NFKBIZ: variants seen among roughly 807,000 people sequenced by gnomAD.
NFKBIZ encodes NFKB inhibitor zeta, also known as NF-kappa-B inhibitor zeta.
A neutral mutation model predicts 76.8 loss-of-function variants in NFKBIZ; 19 were observed. The ratio of observed to expected loss-of-function variants is 0.25; its 90% confidence interval spans 0.17 to 0.36. The LOEUF (loss-of-function observed/expected upper bound fraction) is 0.36. Among genes scored for constraint, NFKBIZ ranks in the 10% least tolerant of loss-of-function variants. The probability of loss-of-function intolerance (pLI) is 1.00; values close to 1 mark genes in which losing one functional copy is unlikely to be tolerated. For missense variants in NFKBIZ, 829 were observed against 910.9 expected (o/e 0.91, Z 1.16); for synonymous variants, 368 against 354.8 (o/e 1.04, Z -0.42).
intron 1 of NFKBIZ, among the ~76,000 whole-genome samples, chr3:101,828,845 C>T (rs1576802563): frequency 6.6e-6 from 1 of 152,130 alleles, no homozygotes; most frequent in East Asian, 1.9e-4. Context: ...TTAGTGAATT[C>T]GCTGCAGTGG....
chr3:101,848,459 T>C (rs981353548), upstream of NFKBIZ, among the ~76,000 whole-genome samples: 2 of 152,220 alleles, frequency 1.3e-5, no homozygotes, highest in Non-Finnish European at 2.9e-5. Context: ...ACCTCCTTTT[T>C]CCTCTACCAG....
rs1942924976 is a variant in NFKBIZ, at chr3:101,849,982, C to G, written c.289+65C>G. 1.4e-5 allele frequency: 19 copies of G among 1,310,956 alleles called. No individual in the cohort carries two copies. In the South Asian group the frequency reaches 3.8e-4, roughly 26 times the overall value. The allele number at this position is 1,310,956 out of a possible 1,614,324, so 81.2% of individuals were successfully genotyped here. A position where few individuals can be genotyped will look rare whatever the true frequency, so the allele number is the denominator to read the frequency against. ...CACGCCTAGGAGGTTGGGAGCGGGA[C>G]TCCCCAGATGGAGGGTGGCCCCTGC... is the stretch of plus-strand genomic sequence containing the variant. On this transcript the variant is annotated intron_variant, in intron 1 of 11. Coordinates refer to ENST00000326172, the MANE Select transcript of NFKBIZ (RefSeq NM_031419.4).
At chr3:101,845,771 T>C (rs529200103), upstream of NFKBIZ, among the ~76,000 whole-genome samples, 26 of 152,266 alleles carry the variant, frequency 1.7e-4, no homozygotes, top group Admixed American at 1.2e-3. Flanking sequence ...TTTTTATTTC[T>C]TCTTTACAGT....
Position 101,852,771 on chromosome 3 carries a change from AAG to A in NFKBIZ, c.460+6_460+7del, listed in dbSNP as rs774881597. 6.2e-7 allele frequency: 1 copy of A among 1,611,340 alleles called. No homozygotes were observed. The highest frequency in any genetic ancestry group is 8.5e-7 in the Non-Finnish European group (1 of 1,178,970). On this transcript the variant is annotated splice_donor_5th_base_variant and intron_variant, in intron 3 of 11. Transcript: ENST00000326172. Reference sequence around the variant, plus strand: ...TGTGAACATAGAACAGTTCAGAGGTAAGAGTTACTTGTATTTGTAATTTTTTC... The same window carrying A: ...TGTGAACATAGAACAGTTCAGAGGTAAGTTACTTGTATTTGTAATTTTTTC...
chr3:101,834,649 C>A (rs1352180293), intron 2 of NFKBIZ, among the ~76,000 whole-genome samples: 1 of 152,250 alleles, frequency 6.6e-6, no homozygotes, highest in Non-Finnish European at 1.5e-5. Flanking sequence ...GCGTGAGCCA[C>A]CACACCCGGC....
upstream of NFKBIZ, among the ~76,000 whole-genome samples, chr3:101,847,680 CAT>C (rs1052988132): frequency 5.9e-5 from 9 of 152,230 alleles, no homozygotes; most frequent in African/African-American, 1.9e-4. Flanking sequence ...CATATGGAAA[CAT>C]AGAAAAGAAA....
intron 11 of NFKBIZ, chr3:101,858,372 T>C (rs1943082742): frequency 1.0e-6 from 1 of 982,914 alleles, no homozygotes; most frequent in Admixed American, 6.2e-5. Context: ...AAGTTTCAAG[T>C]TTCAACTGAG....
In NFKBIZ at chr3:101,855,415, G is replaced by T. The variant is rs184156446; in HGVS notation, c.1611G>T (p.Val537=). Residue 537 remains valine, a synonymous_variant, in exon 8 of 12, where the codon GTG becomes GTT. Transcript: ENST00000326172. The part of the protein sequence containing the change: ...QVLQAIQKGA[V]GSNQFVDLEA... ...TGCAGGCGATTCAGAAGGGAGCAGT[G>T]GGAAGTAATCAGTTTGTGGATCTTG... 1 of 1,614,192 alleles carries T rather than the reference G, an allele frequency of 6.2e-7. No individual in the cohort carries two copies. The highest frequency in any genetic ancestry group is 2.2e-5 in the East Asian group (1 of 44,886).
At chr3:101,828,495 A>G (rs995239453) in intron 1 of NFKBIZ, among the ~76,000 whole-genome samples, 6 of 152,230 alleles carry the variant, frequency 3.9e-5, no homozygotes, top group African/African-American at 1.4e-4. Flanking sequence ...ATGTAACACT[A>G]TCTTCTGTCA....
intron 1 of NFKBIZ, among the ~76,000 whole-genome samples, chr3:101,851,654 C>A (rs1246159243): frequency 6.6e-6 from 1 of 152,202 alleles, no homozygotes; most frequent in African/African-American, 2.4e-5. Context: ...TTATCACTTG[C>A]TCCCCAAAGT....
intron 9 of NFKBIZ, among the ~76,000 whole-genome samples, chr3:101,856,241 G>A (rs1490666746): frequency 1.3e-5 from 2 of 151,980 alleles, no homozygotes; most frequent in African/African-American, 2.4e-5. Flanking sequence ...TAGTAGAGAC[G>A]GGGTTTCACC....
intron 2 of NFKBIZ, among the ~76,000 whole-genome samples, chr3:101,841,826 T>TC (rs1180414151): frequency 6.6e-6 from 1 of 152,200 alleles, no homozygotes; most frequent in African/African-American, 2.4e-5. Context: ...TTTATAATAA[T>TC]CCAAGTGCAG....
intron 5 of NFKBIZ, 94 bp from the exon 6 acceptor site, chr3:101,854,484 A>C: frequency 1.3e-6 from 1 of 745,064 alleles, no homozygotes; most frequent in Non-Finnish European, 2.3e-6. Flanking sequence ...AATATATAAA[A>C]AGGGGGCTAA....
intron 2 of NFKBIZ, among the ~76,000 whole-genome samples, chr3:101,829,877 T>G (rs894081488): frequency 9.6e-5 from 6 of 62,780 alleles, no homozygotes; most frequent in Non-Finnish European, 1.6e-4. Flanking sequence ...AACTAAGATT[T>G]TTTGTGTGTG....
chr3:101,843,605 C>G (rs1408731512), intron 2 of NFKBIZ, among the ~76,000 whole-genome samples: 1 of 152,138 alleles, frequency 6.6e-6, no homozygotes, highest in African/African-American at 2.4e-5. Context: ...GTGGTAGTTC[C>G]TTAAAGGAGA....
At chr3:101,830,894 T>C (rs1440958958) in intron 2 of NFKBIZ, among the ~76,000 whole-genome samples, 1 of 152,234 alleles carries the variant, frequency 6.6e-6, no homozygotes, top group Non-Finnish European at 1.5e-5. Flanking sequence ...TCTCTATACA[T>C]GATACCAAAT....
intron 2 of NFKBIZ, among the ~76,000 whole-genome samples, chr3:101,837,118 A>G (rs1426302067): frequency 1.3e-5 from 2 of 152,160 alleles, no homozygotes; most frequent in Admixed American, 1.3e-4. Context: ...ACTGCCAATT[A>G]TGGGATGGTG....
intron 2 of NFKBIZ, among the ~76,000 whole-genome samples, chr3:101,840,537 A>T (rs1293482506): frequency 6.6e-6 from 1 of 152,234 alleles, no homozygotes; most frequent in Non-Finnish European, 1.5e-5. Context: ...TTCTGAAATC[A>T]AATGGAAGAA....
rs373843551 is a variant in NFKBIZ at position 101,854,730 on chromosome 3, G to T, written c.1443+47G>T. On this transcript the variant is annotated intron_variant, in intron 6 of 11. Coordinates refer to ENST00000326172, the MANE Select transcript of NFKBIZ (RefSeq NM_031419.4). ...GAAATGGCAAAGAGGGGGTCATGGT[G>T]AAGTGAATGATGACCAGCCTTATGT... 10 of 1,282,132 alleles carry T rather than the reference G, an allele frequency of 7.8e-6. No homozygotes were observed. In the African/African-American group the frequency reaches 1.5e-4, roughly 19 times the overall value. 79.4% of individuals were successfully genotyped at this position (1,282,132 alleles called of 1,614,324 possible). A position where few individuals can be genotyped will look rare whatever the true frequency, so the allele number is the denominator to read the frequency against.
Sources: gnomAD v4.1 joint callset for allele counts (sites outside exome capture counted in the v4.1 genomes callset) on GRCh38, gnomAD v4.1.1 for gene constraint, MANE v1.5 for transcripts, NCBI Gene and HGNC (gene_info 2026-07-23, HGNC 2026-07-21) for gene names.